Variants in FER observed in about 807,000 individuals in gnomAD.
FER encodes tyrosine-protein kinase Fer.
Under a neutral mutation model 111.0 loss-of-function variants are expected in FER, and 63 were observed. The ratio of observed to expected loss-of-function variants is 0.57; its 90% CI spans 0.46 to 0.70. The LOEUF (loss-of-function observed/expected upper bound fraction) is 0.70, where lower values mean the gene tolerates loss of function less well. FER is among the 30% of genes least tolerant of loss of function. FER has a pLI of 0.00. For missense variants in FER, 914 were observed against 954.0 expected, an observed-to-expected ratio of 0.96 and a Z score of 0.55; for synonymous variants, 327 against 313.9, an observed-to-expected ratio of 1.04 and a Z score of -0.44.
At chr5:108,857,601 G>A (rs1165592675) in intron 5 of FER, among the ~76,000 whole-genome samples, 1 of 152,024 alleles carries the variant, frequency 6.6e-6, no homozygotes, top group Non-Finnish European at 1.5e-5. Context: ...GTCTATCAAT[G>A]GTTCCTGCCT....
chr5:109,119,997 C>G (rs1364158950), intron 17 of FER, among the ~76,000 whole-genome samples: 1 of 151,966 alleles, frequency 6.6e-6, no homozygotes, highest in Non-Finnish European at 1.5e-5. Context: ...ATAGAGTTGT[C>G]TGAGCTCCTT....
chr5:109,066,392 A>G (rs1237346121), intron 16 of FER, among the ~76,000 whole-genome samples: 1 of 152,208 alleles, frequency 6.6e-6, no homozygotes, highest in Admixed American at 6.5e-5. Flanking sequence ...TTTTAAAATA[A>G]AAGATTTTGT....
chr5:109,109,975 C>T lies in FER; in HGVS notation c.2048+9456C>T, dbSNP rs200460707. 8.5e-5 allele frequency among the ~76,000 whole-genome samples: 13 copies of T among 152,126 alleles called. No individual in the cohort carries two copies. The South Asian group carries it at 2.3e-3, about 27-fold the overall frequency. On this transcript the variant is annotated intron_variant, in intron 17 of 19. Coordinates refer to ENST00000281092, the MANE Select transcript of FER (RefSeq NM_005246.4). ...GCTATACTGGTTTTTGTGCCAAATC[C>T]GGTGTTAACAAGGTTGAATCCTTAC...
At chr5:108,812,333 C>G (rs1015741571) in intron 3 of FER, among the ~76,000 whole-genome samples, 2 of 152,154 alleles carry the variant, frequency 1.3e-5, no homozygotes, top group Non-Finnish European at 2.9e-5. Flanking sequence ...GAGAAATTAA[C>G]TTAACTCTGG....
At chr5:108,807,408 A>G (rs1176717319) in intron 3 of FER, among the ~76,000 whole-genome samples, 1 of 152,222 alleles carries the variant, frequency 6.6e-6, no homozygotes, top group Non-Finnish European at 1.5e-5. Flanking sequence ...GTTTGTTTGC[A>G]TAGAGGTATT....
chr5:109,126,900 A>G (rs72796581), intron 17 of FER, among the ~76,000 whole-genome samples: 4,920 of 152,274 alleles, frequency 0.032, 111 homozygotes, highest in Middle Eastern at 0.086. Context: ...CTACATTTTG[A>G]TGAGCACTGA....
intron 13 of FER, among the ~76,000 whole-genome samples, chr5:108,969,148 T>G (rs1010333843): frequency 6.6e-6 from 1 of 152,104 alleles, no homozygotes; most frequent in African/African-American, 2.4e-5. Flanking sequence ...AACTGTAAAA[T>G]GTATATATCT....
At chr5:108,960,365 A>G (rs2149670695) in intron 13 of FER, among the ~76,000 whole-genome samples, 1 of 152,240 alleles carries the variant, frequency 6.6e-6, no homozygotes, top group East Asian at 1.9e-4. Flanking sequence ...AGATTTTAAC[A>G]GTTGTTTGTT....
intron 5 of FER, among the ~76,000 whole-genome samples, chr5:108,837,110 G>A (rs946814594): frequency 6.6e-6 from 1 of 152,174 alleles, no homozygotes; most frequent in Non-Finnish European, 1.5e-5. Flanking sequence ...AAGAGCACAG[G>A]CTTTGGAGTC....
At chr5:109,151,392 AT>A in intron 17 of FER, among the ~76,000 whole-genome samples, 1 of 152,234 alleles carries the variant, frequency 6.6e-6, no homozygotes, top group Non-Finnish European at 1.5e-5. Context: ...AAATGCAGAG[AT>A]TACTAAATTT....
Position 109,187,686 on chromosome 5 carries a change from C to T in FER, c.*111C>T. ...CACATTACCTTCGACAGTCTTCTAC[C>T]ATTATTTTTTATTAACTGGGTGTTT... On this transcript the variant is annotated 3_prime_UTR_variant, in exon 20 of 20. Transcript: ENST00000281092. 1.5e-6 allele frequency: 2 copies of T among 1,306,252 alleles called. No individual in the cohort carries two copies. The highest frequency in any genetic ancestry group is 2.5e-5 in the East Asian group (1 of 40,390). The allele number at this position is 1,306,252 out of a possible 1,614,324, so 80.9% of individuals were successfully genotyped here. A position where few individuals can be genotyped will look rare whatever the true frequency, so the allele number is the denominator to read the frequency against.
intron 3 of FER, among the ~76,000 whole-genome samples, chr5:108,810,384 C>A (rs1415750520): frequency 4.6e-5 from 7 of 152,196 alleles, no homozygotes; most frequent in African/African-American, 2.4e-5. Flanking sequence ...GTCTGATTTC[C>A]CTGCTCACCT....
At chr5:109,003,434 G>C (rs2149786386) in intron 13 of FER, among the ~76,000 whole-genome samples, 1 of 152,232 alleles carries the variant, frequency 6.6e-6, no homozygotes, top group Middle Eastern at 3.4e-3. Context: ...CATGGACACA[G>C]GAAGGGGAAC....
intron 7 of FER, 122 bp from the exon 8 acceptor site, chr5:108,871,971 A>G: frequency 1.0e-6 from 1 of 992,360 alleles, no homozygotes; most frequent in Non-Finnish European, 1.4e-6. Flanking sequence ...GATTTATACT[A>G]TTTGTGTTTT....
intron 8 of FER, among the ~76,000 whole-genome samples, chr5:108,877,914 CT>C (rs1233943044): frequency 1.2e-4 from 18 of 148,182 alleles, no homozygotes; most frequent in Admixed American, 2.0e-4. Context: ...GACTTTGTAT[CT>C]TTTTTTTTTA....
intron 3 of FER, chr5:108,819,790 T>C: frequency 1.0e-6 from 1 of 985,020 alleles, no homozygotes; most frequent in Non-Finnish European, 1.2e-6. Context: ...AGGAAGTGTC[T>C]TGAGTATATA....
intron 17 of FER, among the ~76,000 whole-genome samples, chr5:109,173,362 G>A (rs1040794626): frequency 6.6e-6 from 1 of 152,216 alleles, no homozygotes; most frequent in African/African-American, 2.4e-5. Context: ...CCAGAGAGAG[G>A]AATCTTACTC....
At chr5:109,092,752 T>A (rs990329962) in intron 16 of FER, among the ~76,000 whole-genome samples, 1 of 152,156 alleles carries the variant, frequency 6.6e-6, no homozygotes, top group Admixed American at 6.5e-5. Flanking sequence ...CCATCCCATT[T>A]CTGGATATAT....
chr5:108,901,814 GGT>G (rs1750067783), intron 10 of FER, among the ~76,000 whole-genome samples: 1 of 152,078 alleles, frequency 6.6e-6, no homozygotes, highest in Admixed American at 6.6e-5. Context: ...AGTCGGGTGT[GGT>G]GGCACATGCC....
Sources: gnomAD v4.1 joint callset for allele counts (sites outside exome capture counted in the v4.1 genomes callset) on GRCh38, gnomAD v4.1.1 for gene constraint, MANE v1.5 for transcripts, NCBI Gene and HGNC (gene_info 2026-07-23, HGNC 2026-07-21) for gene names.